Variants in ADAMTS5 observed in about 807,000 individuals in gnomAD.
The protein encoded by ADAMTS5 is ADAM metallopeptidase with thrombospondin type 1 motif 5.
ADAMTS5 carries 54 observed loss-of-function variants against 81.4 expected under a neutral mutation model. That is an observed-to-expected ratio of 0.66 (90% confidence interval 0.53 to 0.83). ADAMTS5 has a LOEUF of 0.83. ADAMTS5 is among the 40% of genes least tolerant of loss of function. The pLI, the probability that ADAMTS5 is intolerant of heterozygous loss-of-function variation, is 0.00. For missense variants in ADAMTS5, 1,194 were observed against 1,229.9 expected (o/e 0.97, Z 0.44); for synonymous variants, 532 against 508.8 (o/e 1.05, Z -0.61).
chr21:26,936,482 C>A (rs965235193), intron 3 of ADAMTS5, among the ~76,000 whole-genome samples: 19 of 151,888 alleles, frequency 1.3e-4, no homozygotes, highest in African/African-American at 4.4e-4. Context: ...CCTTATGTGC[C>A]ACTGAGAAAT....
chr21:26,966,478 G>T lies in ADAMTS5; in HGVS notation c.-87C>A. The T allele has an allele frequency of 7.6e-7, 1 of 1,312,844 alleles. No homozygotes were observed. Among genetic ancestry groups the T allele is most frequent in the Non-Finnish European group, 9.8e-7 (1 of 1,017,036 alleles). The allele number at this position is 1,312,844 out of a possible 1,614,324, so 81.3% of individuals were successfully genotyped here. On this transcript the variant is annotated 5_prime_UTR_variant, in exon 1 of 8. Transcript: ENST00000284987. ...ATGAAGTTAACGGGGCGGGGGATGG[G>T]GACACACACACACTTGCTTGCAGGA...
chr21:26,938,341 C>CA (rs1568843634), intron 3 of ADAMTS5, among the ~76,000 whole-genome samples: 1 of 151,612 alleles, frequency 6.6e-6, no homozygotes, highest in Admixed American at 6.6e-5. Context: ...TAAAATAAGG[C>CA]AAAAAAATAA....
Position 26,966,142 on chromosome 21 carries a change from C to T in ADAMTS5, c.250G>A (p.Gly84Ser). The change falls in exon 1 of 8, where the codon GGC becomes AGC. Residue 84 changes from glycine to serine, a missense_variant. By Grantham distance (56) the Gly-to-Ser change is moderately conservative. Transcript: ENST00000284987. ...TAGACGAGGTAGCCCACCTTGCCGC[C>T]GCCGGAGTAGAGTTGGTCGATGTTC... ...VQNIDQLYSGGGKVGYLVYAG... is the reference protein window; with the variant it reads ...VQNIDQLYSGSGKVGYLVYAG... 6.2e-7 allele frequency: 1 copy of T among 1,612,008 alleles called. No homozygotes were observed. The highest frequency in any genetic ancestry group is 1.1e-5 in the South Asian group (1 of 90,952).
chr21:26,934,206 TAGAC>T (rs1321020700), intron 4 of ADAMTS5, among the ~76,000 whole-genome samples: 1 of 152,306 alleles, frequency 6.6e-6, no homozygotes, highest in Admixed American at 6.5e-5. Flanking sequence ...AGGTCTCAAT[TAGAC>T]AGAATCTGAG....
At chr21:26,956,690 C>T (rs940853549) in intron 1 of ADAMTS5, among the ~76,000 whole-genome samples, 4 of 152,152 alleles carry the variant, frequency 2.6e-5, no homozygotes, top group African/African-American at 4.8e-5. Flanking sequence ...ATGTTTATAT[C>T]ACAATTTGGG....
chr21:26,942,282 A>C (rs956777242), intron 3 of ADAMTS5, among the ~76,000 whole-genome samples: 1 of 152,150 alleles, frequency 6.6e-6, no homozygotes, highest in Non-Finnish European at 1.5e-5. Context: ...AGTTCCAAAC[A>C]GTCAACATAC....
In ADAMTS5 at chr21:26,924,240, T is replaced by A. The variant is rs148266971; in HGVS notation, c.2606A>T (p.Lys869Ile). The A allele has an allele frequency of 3.7e-5, 60 of 1,614,172 alleles. No homozygotes were observed. The African/African-American group carries it at 7.7e-4, about 21-fold the overall frequency. The change falls in exon 8 of 8, where the codon AAA (lysine) becomes ATA (isoleucine). Residue 869 changes from lysine (K) to isoleucine (I), a missense_variant. By Grantham distance (102) the Lys-to-Ile change is moderately radical. Coordinates refer to ENST00000284987, the MANE Select transcript of ADAMTS5 (RefSeq NM_007038.5). ...CGGCTGCGAAGTGTGTGATCCCACT[T>A]TATTGCTGCCATGACTAGTGACAGA... ...VNSVTSHGSN[K>I]VGSHTSQPQW...
chr21:26,958,367 A>G (rs1466496604), intron 1 of ADAMTS5, among the ~76,000 whole-genome samples: 2 of 152,146 alleles, frequency 1.3e-5, no homozygotes, highest in Non-Finnish European at 2.9e-5. Flanking sequence ...GCACATACAC[A>G]CACACACACA....
intron 1 of ADAMTS5, among the ~76,000 whole-genome samples, chr21:26,957,489 C>T (rs1427181047): frequency 1.3e-5 from 2 of 150,866 alleles, no homozygotes; most frequent in Admixed American, 1.3e-4. Context: ...ATAATCTAGA[C>T]CTGGAAGCAG....
Position 26,932,001 on chromosome 21 carries a change from T to C in ADAMTS5, c.2049+3A>G, listed in dbSNP as rs201144166. ...TGCTTCTGGACAGTTGGTGTGTAGT[T>C]ACCTTTGGAGAAAATACCACATAGT... On this transcript the variant is annotated splice_donor_region_variant and intron_variant, in intron 6 of 7. Coordinates refer to ENST00000284987, the MANE Select transcript of ADAMTS5 (RefSeq NM_007038.5). The C allele has an allele frequency of 3.1e-6, 5 of 1,610,380 alleles. No homozygotes were observed. Among genetic ancestry groups the C allele is most frequent in the Middle Eastern group, 1.6e-4 (1 of 6,066 alleles).
In ADAMTS5 at chr21:26,954,815, T is replaced by C; in HGVS notation, c.1161A>G (p.Ile387Met). ...DTLGMADVGTICSPERSCAVI... is the reference protein window; with the variant it reads ...DTLGMADVGTMCSPERSCAVI... ...CAGCACAGCTGCGCTCTGGAGAACA[T>C]ATGGTCCCAACGTCTGCCATTCCCA... The change falls in exon 2 of 8, where the codon ATA (isoleucine) becomes ATG (methionine). Residue 387 changes from isoleucine (I) to methionine (M), a missense_variant. Around this residue, in one of 2 missense-constraint regions of ADAMTS5, gnomAD observed 696 missense variants for 817.6 expected, o/e 0.85. Transcript: ENST00000284987. 6.2e-7 allele frequency: 1 copy of C among 1,614,076 alleles called. No individual in the cohort carries two copies. Among genetic ancestry groups the C allele is most frequent in the Non-Finnish European group, 8.5e-7 (1 of 1,179,994 alleles).
chr21:26,930,131 A>G (rs551074572), intron 6 of ADAMTS5, 70 bp from the exon 7 acceptor site: 3 of 1,500,558 alleles, frequency 2.0e-6, no homozygotes, highest in African/African-American at 2.8e-5. Flanking sequence ...GTCAACTAGT[A>G]AGTTCTCATT....
At chr21:26,937,855 A>T (rs2249333) in intron 3 of ADAMTS5, among the ~76,000 whole-genome samples, 16,962 of 152,174 alleles carry the variant, frequency 0.11, 1,548 homozygotes, top group East Asian at 0.5. Context: ...CGTAGTCTGA[A>T]ATTTGATCTG....
chr21:26,950,968 A>C (rs946491368), intron 2 of ADAMTS5, among the ~76,000 whole-genome samples: 17 of 151,758 alleles, frequency 1.1e-4, no homozygotes, highest in Non-Finnish European at 2.1e-4. Context: ...CAGTCCTCCC[A>C]CCTCAGCCTT....
intron 2 of ADAMTS5, among the ~76,000 whole-genome samples, chr21:26,951,861 G>A (rs191251678): frequency 6.6e-6 from 1 of 151,556 alleles, no homozygotes; most frequent in East Asian, 1.9e-4. Flanking sequence ...AGATCACACT[G>A]GCTGGAGGGG....
chr21:26,941,363 A>C (rs568901049), intron 3 of ADAMTS5, among the ~76,000 whole-genome samples: 1 of 145,244 alleles, frequency 6.9e-6, no homozygotes, highest in South Asian at 2.4e-4. Context: ...CTCTATCATG[A>C]GCCCTTTGGA....
At position 26,940,709 on chromosome 21, in the gene ADAMTS5, G is replaced by T. The variant is rs537932421; in HGVS notation, c.1405+2671C>A. Among the ~76,000 whole-genome samples the T allele has an allele frequency of 2.0e-5, 3 of 152,090 alleles. No individual in the cohort carries two copies. The South Asian group carries it at 6.2e-4, about 32-fold the overall frequency. On this transcript the variant is annotated intron_variant, in intron 3 of 7. Transcript: ENST00000284987. ...TAGCTTTCTATGAGTAAAGTTAAAA[G>T]GTTTTATAATATAGTTTTGTGACAT...
At position 26,930,023 on chromosome 21, in the gene ADAMTS5, G is replaced by A. The variant is rs763923215; in HGVS notation, c.2088C>T (p.Ser696=). The A allele has an allele frequency of 3.1e-5, 50 of 1,613,878 alleles. No homozygotes were observed. In the East Asian group the frequency reaches 8.7e-4, roughly 28 times the overall value. The part of the protein sequence containing the change: ...DGTECRLYSN[S]VCVRGKCVRT... ...TCACACACTTCCCCCGGACGCAGAC[G>A]GAATTACTGTACAGCCTACATTCAG... The change falls in exon 7 of 8, where the codon TCC becomes TCT. Residue 696 remains serine (S), a synonymous_variant. Coordinates refer to ENST00000284987, the MANE Select transcript of ADAMTS5 (RefSeq NM_007038.5).
chr21:26,926,587 C>T (rs906529706), intron 7 of ADAMTS5, among the ~76,000 whole-genome samples: 27 of 151,124 alleles, frequency 1.8e-4, no homozygotes, highest in African/African-American at 6.3e-4. Flanking sequence ...GCAGGAGAAT[C>T]GCTTGAACCT....
Sources: allele counts gnomAD v4.1 joint callset (sites outside exome capture counted in the v4.1 genomes callset), GRCh38; gene constraint gnomAD v4.1.1; regional missense constraint gnomAD v4.1.1; transcripts MANE v1.5; gene names NCBI Gene and HGNC (gene_info 2026-07-23, HGNC 2026-07-21).